The following CTNNA2 variants were observed in gnomAD, a reference collection of about 807,000 sequenced individuals.
CTNNA2 encodes catenin alpha 2, also known as catenin alpha-2.
Under a neutral mutation model 101.0 loss-of-function variants are expected in CTNNA2, and 42 were observed. That is an observed-to-expected ratio of 0.42 (90% CI 0.32 to 0.54). The LOEUF is 0.54. Ranked by LOEUF, CTNNA2 falls within the 20% of genes least tolerant of loss-of-function variation. The pLI is 0.14. For missense variants in CTNNA2, 871 were observed against 1,223.1 expected (o/e 0.71, Z 4.29); for synonymous variants, 450 against 456.4 (o/e 0.99, Z 0.18).
intron 4 of CTNNA2, among the ~76,000 whole-genome samples, chr2:79,432,510 T>C (rs1678668925): frequency 6.6e-6 from 1 of 152,252 alleles, no homozygotes; most frequent in African/African-American, 2.4e-5. Flanking sequence ...TTTGAATTAT[T>C]CAGCCTTTCC....
At chr2:80,384,595 C>G (rs1256708370) in intron 7 of CTNNA2, among the ~76,000 whole-genome samples, 2 of 151,356 alleles carry the variant, frequency 1.3e-5, no homozygotes, top group African/African-American at 4.9e-5. Context: ...GAGATCTCCA[C>G]TGTGGTGAGT....
chr2:80,633,565 A>G (rs953666543), intron 18 of CTNNA2, among the ~76,000 whole-genome samples: 1 of 152,222 alleles, frequency 6.6e-6, no homozygotes, highest in African/African-American at 2.4e-5. Flanking sequence ...ATAGCCAGGA[A>G]TAAAGACTTA....
At chr2:79,316,537 T>G (rs928071548) in intron 3 of CTNNA2, among the ~76,000 whole-genome samples, 8 of 152,212 alleles carry the variant, frequency 5.3e-5, no homozygotes, top group African/African-American at 1.9e-4. Context: ...ATTAGGGGTT[T>G]CAATCCATAA....
At chr2:79,775,536 C>T (rs961190987) in intron 3 of CTNNA2, among the ~76,000 whole-genome samples, 13 of 152,060 alleles carry the variant, frequency 8.5e-5, no homozygotes, top group Non-Finnish European at 1.0e-4. Flanking sequence ...TAAACATGTG[C>T]CGTGGTGGTT....
chr2:79,883,186 G>C (rs905658111), intron 6 of CTNNA2, among the ~76,000 whole-genome samples: 1 of 152,192 alleles, frequency 6.6e-6, no homozygotes, highest in African/African-American at 2.4e-5. Flanking sequence ...TAATAGTCAC[G>C]AGTGTGTCAA....
At chr2:80,184,759 C>G (rs1274573145) in intron 7 of CTNNA2, among the ~76,000 whole-genome samples, 2 of 151,648 alleles carry the variant, frequency 1.3e-5, no homozygotes, top group African/African-American at 4.9e-5. Context: ...AAAAGACAAA[C>G]CTTGGCTCAG....
intron 2 of CTNNA2, among the ~76,000 whole-genome samples, chr2:79,699,120 G>T (rs1573717316): frequency 6.6e-6 from 1 of 151,958 alleles, no homozygotes; most frequent in African/African-American, 2.4e-5. Flanking sequence ...AAACTAAAAA[G>T]CCACCTTTCC....
At chr2:79,944,309 G>A (rs556465997) in intron 7 of CTNNA2, among the ~76,000 whole-genome samples, 77 of 152,156 alleles carry the variant, frequency 5.1e-4, no homozygotes, top group Admixed American at 3.0e-3. Flanking sequence ...GGATGAAAAT[G>A]TTTTGTTTCC....
intron 7 of CTNNA2, among the ~76,000 whole-genome samples, chr2:80,155,491 CT>C (rs1173260611): frequency 6.6e-6 from 1 of 152,164 alleles, no homozygotes; most frequent in Non-Finnish European, 1.5e-5. Context: ...CCTTCCTTTC[CT>C]TCCCACCTCC....
At chr2:80,041,431 CGTTA>C (rs1558753062) in intron 7 of CTNNA2, among the ~76,000 whole-genome samples, 3 of 151,956 alleles carry the variant, frequency 2.0e-5, no homozygotes, top group Non-Finnish European at 2.9e-5. Context: ...TTGTGCTGTT[CGTTA>C]GACTGGGATG....
At chr2:79,771,857 C>T (rs772834287) in intron 3 of CTNNA2, among the ~76,000 whole-genome samples, 7 of 152,110 alleles carry the variant, frequency 4.6e-5, no homozygotes, top group African/African-American at 1.2e-4. Flanking sequence ...ATTCTCATTG[C>T]GACTGTTTTG....
At chr2:79,985,677 C>A (rs946139023) in intron 7 of CTNNA2, among the ~76,000 whole-genome samples, 1 of 152,162 alleles carries the variant, frequency 6.6e-6, no homozygotes, top group Non-Finnish European at 1.5e-5. Context: ...TATATGTTAA[C>A]GTCAATGGAA....
chr2:80,613,406 T>G (rs1160148458), intron 17 of CTNNA2, among the ~76,000 whole-genome samples: 2 of 151,322 alleles, frequency 1.3e-5, no homozygotes, highest in Admixed American at 1.3e-4. Context: ...TTGGAAGAAA[T>G]GGGAAGTTAA....
chr2:80,220,749 C>T (rs1340093454), intron 7 of CTNNA2, among the ~76,000 whole-genome samples: 2 of 152,180 alleles, frequency 1.3e-5, no homozygotes, highest in African/African-American at 4.8e-5. Flanking sequence ...CTTGTACACC[C>T]TCTCATCAGA....
chr2:79,590,570 C>T (rs987880407), intron 1 of CTNNA2, among the ~76,000 whole-genome samples: 7 of 152,032 alleles, frequency 4.6e-5, no homozygotes, highest in African/African-American at 1.7e-4. Context: ...GACACACTTC[C>T]ATAAGTACAT....
chr2:79,189,347 G>C (rs1442610124), intron 1 of CTNNA2, among the ~76,000 whole-genome samples: 1 of 151,406 alleles, frequency 6.6e-6, no homozygotes, highest in African/African-American at 2.4e-5. Flanking sequence ...CCAATTTTTG[G>C]CTTTATTATT....
intron 4 of CTNNA2, among the ~76,000 whole-genome samples, chr2:79,399,589 A>G (rs1452169952): frequency 6.6e-6 from 1 of 152,132 alleles, no homozygotes; most frequent in Non-Finnish European, 1.5e-5. Flanking sequence ...AGATAAGTCA[A>G]TAAACGAACA....
intron 2 of CTNNA2, among the ~76,000 whole-genome samples, chr2:79,291,892 A>C (rs1214446761): frequency 6.6e-6 from 1 of 152,160 alleles, no homozygotes; most frequent in Non-Finnish European, 1.5e-5. Context: ...ATGGCAGCCA[A>C]GATATTGTAT....
intron 7 of CTNNA2, among the ~76,000 whole-genome samples, chr2:80,287,316 C>T (rs185050330): frequency 2.0e-5 from 3 of 152,278 alleles, no homozygotes; most frequent in South Asian, 2.1e-4. Flanking sequence ...ATCTTCCCCC[C>T]TCCCGTGATA....
Sources: gnomAD v4.1 joint callset for allele counts (sites outside exome capture counted in the v4.1 genomes callset) on GRCh38, gnomAD v4.1.1 for gene constraint, MANE v1.5 for transcripts, NCBI Gene and HGNC (gene_info 2026-07-23, HGNC 2026-07-21) for gene names.